The following MACIR variants were observed in gnomAD, a reference collection of about 807,000 sequenced individuals.
MACIR encodes the protein macrophage immunometabolism regulator, also known as UNC119-binding protein C5orf30.
MACIR carries 4 observed loss-of-function variants against 14.3 expected under a neutral mutation model. That is an observed-to-expected ratio of 0.28 (90% CI 0.14 to 0.64). The LOEUF (loss-of-function observed/expected upper bound fraction) is 0.64. MACIR is among the 30% of genes least tolerant of loss of function. The pLI is 0.83. For synonymous variants in MACIR, 101 were observed against 102.4 expected (o/e 0.99, Z 0.08); for missense variants, 228 against 257.6 (o/e 0.89, Z 0.79).
intron 2 of MACIR, among the ~76,000 whole-genome samples, chr5:103,267,975 G>T (rs1429279879): frequency 1.3e-5 from 2 of 152,140 alleles, no homozygotes; most frequent in Non-Finnish European, 2.9e-5. Context: ...TAGTATATAG[G>T]TGTAATGTCT....
At chr5:103,274,387 A>G (rs983339796) in intron 2 of MACIR, among the ~76,000 whole-genome samples, 1 of 150,742 alleles carries the variant, frequency 6.6e-6, no homozygotes, top group Non-Finnish European at 1.5e-5. Flanking sequence ...AAATATTTAC[A>G]TTAAAAATAT....
intron 2 of MACIR, among the ~76,000 whole-genome samples, chr5:103,271,898 G>A (rs1259406459): frequency 6.6e-6 from 1 of 151,930 alleles, no homozygotes; most frequent in Non-Finnish European, 1.5e-5. Flanking sequence ...TATATGAAAG[G>A]CATTAATGGA....
chr5:103,267,952 A>G (rs1365408991), intron 2 of MACIR, among the ~76,000 whole-genome samples: 4 of 152,156 alleles, frequency 2.6e-5, no homozygotes, highest in African/African-American at 9.7e-5. Context: ...AATGCCACGT[A>G]AGTAGAAACA....
At position 103,261,856 on chromosome 5, in the gene MACIR, C is replaced by T. The variant is rs1469213788; in HGVS notation, c.-114+2960C>T. On this transcript the variant is annotated intron_variant, in intron 1 of 2. Transcript: ENST00000319933. Reference sequence around the variant, plus strand: ...CCAATTTCTCTGCCTAAAATTTGTCCTTTCATAATATAAACTTTAATGATG... The same window carrying T: ...CCAATTTCTCTGCCTAAAATTTGTCTTTTCATAATATAAACTTTAATGATG... Among the ~76,000 whole-genome samples the T allele has an allele frequency of 4.7e-4, 71 of 151,922 alleles. 2 individuals carry two copies. The highest frequency in any genetic ancestry group is 2.9e-5 in the Non-Finnish European group (2 of 67,974).
At chr5:103,268,312 T>A (rs1805000416) in intron 2 of MACIR, among the ~76,000 whole-genome samples, 2 of 152,208 alleles carry the variant, frequency 1.3e-5, no homozygotes, top group Non-Finnish European at 2.9e-5. Context: ...CTAAAATAAC[T>A]ACGCCAAAGT....
At chr5:103,275,805 T>C (rs1443943078) in intron 2 of MACIR, 92 bp from the exon 3 acceptor site, 2 of 1,036,082 alleles carry the variant, frequency 1.9e-6, no homozygotes, top group Non-Finnish European at 2.8e-6. Flanking sequence ...AGGCAAGTGT[T>C]ACTTCATGCT....
intron 2 of MACIR, among the ~76,000 whole-genome samples, chr5:103,274,941 T>C (rs1554237472): frequency 1.3e-5 from 2 of 152,206 alleles, no homozygotes; most frequent in African/African-American, 4.8e-5. Flanking sequence ...AAATTTGATC[T>C]ATCTGTAGCT....
At chr5:103,259,724 A>G (rs1453371128) in intron 1 of MACIR, 1 of 152,212 alleles carries the variant, frequency 6.6e-6, no homozygotes, top group Non-Finnish European at 1.5e-5. Context: ...TCCGAGCCAG[A>G]AGCTTAAGCG....
rs187018041 is a variant in MACIR, at chr5:103,263,604, T to G, written c.-113-2304T>G. On this transcript the variant is annotated intron_variant, in intron 1 of 2. Coordinates refer to ENST00000319933, the MANE Select transcript of MACIR (RefSeq NM_033211.4). ...TATTTTTCTAATGCATTTAAAAGCTTAAAAAGAAGAATATGTCACCAAATA... is the reference window on the plus strand; with the variant it reads ...TATTTTTCTAATGCATTTAAAAGCTGAAAAAGAAGAATATGTCACCAAATA... 3.0e-3 allele frequency among the ~76,000 whole-genome samples: 454 copies of G among 152,266 alleles called. 1 individual carries two copies. The highest frequency in any genetic ancestry group is 0.01 in the African/African-American group (425 of 41,560).
intron 2 of MACIR, among the ~76,000 whole-genome samples, chr5:103,270,002 TG>T (rs1554236999): frequency 6.6e-6 from 1 of 152,190 alleles, no homozygotes; most frequent in Non-Finnish European, 1.5e-5. Context: ...GGTCAAAGAA[TG>T]GCAGTCATGT....
chr5:103,258,479 T>C (rs1197094641), upstream of MACIR, among the ~76,000 whole-genome samples: 1 of 151,956 alleles, frequency 6.6e-6, no homozygotes, highest in Non-Finnish European at 1.5e-5. Context: ...GGGTTTAGAC[T>C]AGAGAGCGGG....
At chr5:103,263,925 A>C (rs434294) in intron 1 of MACIR, among the ~76,000 whole-genome samples, 1 of 151,940 alleles carries the variant, frequency 6.6e-6, no homozygotes, top group South Asian at 2.1e-4. Context: ...GAAAGAGTCC[A>C]TGATTCAGAA....
chr5:103,263,849 G>A (rs1040951098), intron 1 of MACIR, among the ~76,000 whole-genome samples: 47 of 152,188 alleles, frequency 3.1e-4, no homozygotes, highest in African/African-American at 1.1e-3. Flanking sequence ...ATAACCAGAC[G>A]GTATTGGTTG....
At chr5:103,259,046 C>G (rs563133202) in intron 1 of MACIR, 150 bp downstream of exon 1, 1 of 152,308 alleles carries the variant, frequency 6.6e-6, no homozygotes, top group African/African-American at 2.4e-5. Flanking sequence ...CTCTCCGCCT[C>G]GTGTCTGGGC....
At chr5:103,264,238 G>T (rs187858639) in intron 1 of MACIR, among the ~76,000 whole-genome samples, 1 of 152,108 alleles carries the variant, frequency 6.6e-6, no homozygotes, top group Non-Finnish European at 1.5e-5. Context: ...AATTCCTGCT[G>T]TGACTCTCAT....
intron 1 of MACIR, chr5:103,259,717 G>A (rs1170478964): frequency 2.0e-5 from 3 of 152,340 alleles, no homozygotes; most frequent in Admixed American, 2.0e-4. Flanking sequence ...GGCCCGGTCC[G>A]AGCCAGAAGC....
At position 103,276,545 on chromosome 5, in the gene MACIR, C is replaced by G. The variant is rs782256304; in HGVS notation, c.*5C>G. 1 of 1,600,152 alleles carries G rather than the reference C, an allele frequency of 6.2e-7. No homozygotes were observed. Among genetic ancestry groups the G allele is most frequent in the South Asian group, 1.1e-5 (1 of 88,896 alleles). ...TTTGCTAGGAATAATACATGAATGA[C>G]TTGGAGAGAGCTTAAACCAATTTAG... On this transcript the variant is annotated 3_prime_UTR_variant, in exon 3 of 3. Transcript: ENST00000319933.
At chr5:103,267,598 A>G (rs1166949633) in intron 2 of MACIR, among the ~76,000 whole-genome samples, 1 of 152,192 alleles carries the variant, frequency 6.6e-6, no homozygotes, top group Admixed American at 6.5e-5. Context: ...GTGTTCAAAC[A>G]TACACTGGGA....
At chr5:103,274,980 T>C (rs1805267527) in intron 2 of MACIR, among the ~76,000 whole-genome samples, 1 of 152,216 alleles carries the variant, frequency 6.6e-6, no homozygotes, top group African/African-American at 2.4e-5. Context: ...ATTTGTTCTA[T>C]TTCTTGTCAA....
Sources: allele counts gnomAD v4.1 joint callset (sites outside exome capture counted in the v4.1 genomes callset), GRCh38; gene constraint gnomAD v4.1.1; transcripts MANE v1.5; gene names NCBI Gene and HGNC (gene_info 2026-07-23, HGNC 2026-07-21).